Variants in AMN1 observed in about 807,000 individuals in gnomAD.
AMN1 encodes the protein protein AMN1 homolog.
Under a neutral mutation model 33.0 loss-of-function variants are expected in AMN1, and 20 were observed. The observed-to-expected ratio is 0.61, with a 90% CI of 0.43 to 0.88. AMN1 has a LOEUF of 0.88. Ranked by LOEUF, AMN1 falls within the 40% of genes least tolerant of loss-of-function variation. AMN1 has a pLI of 0.00. For synonymous variants in AMN1, 114 were observed against 111.9 expected (o/e 1.02, Z -0.12); for missense variants, 246 against 307.4 (o/e 0.80, Z 1.49).
At chr12:31,721,077 C>T (rs1939862379) in intron 1 of AMN1, among the ~76,000 whole-genome samples, 1 of 152,150 alleles carries the variant, frequency 6.6e-6, no homozygotes, top group Admixed American at 6.5e-5. Context: ...TGAGCAGTCT[C>T]TCAAAACAAA....
intron 1 of AMN1, chr12:31,714,915 T>C (rs1398238753): frequency 4.1e-6 from 4 of 984,506 alleles, no homozygotes; most frequent in African/African-American, 1.7e-5. Context: ...ACCAACAACA[T>C]TGTGCAATTT....
chr12:31,707,155 GA>G (rs1191588882), intron 2 of AMN1, among the ~76,000 whole-genome samples: 1 of 152,068 alleles, frequency 6.6e-6, no homozygotes, highest in African/African-American at 2.4e-5. Context: ...AGCAGACTGT[GA>G]TCAATATTTT....
chr12:31,708,989 G>T, intron 2 of AMN1: 2 of 419,884 alleles, frequency 4.8e-6, no homozygotes, highest in South Asian at 3.5e-5. Context: ...ACCAGCCTGG[G>T]CAACATGGTG....
At chr12:31,691,249 A>G (rs1366968607) in intron 5 of AMN1, among the ~76,000 whole-genome samples, 1 of 152,128 alleles carries the variant, frequency 6.6e-6, no homozygotes, top group African/African-American at 2.4e-5. Context: ...CCAAAATAGT[A>G]TATTATATTC....
At chr12:31,682,963 C>CTTTTT (rs34868408) in intron 6 of AMN1, among the ~76,000 whole-genome samples, 2 of 137,844 alleles carry the variant, frequency 1.5e-5, no homozygotes, top group Admixed American at 7.3e-5. Flanking sequence ...GTATGCTATT[C>CTTTTT]TTTTTTTTTT....
chr12:31,689,990 A>G (rs1475758242), intron 5 of AMN1, among the ~76,000 whole-genome samples: 2 of 152,158 alleles, frequency 1.3e-5, no homozygotes, highest in Non-Finnish European at 2.9e-5. Flanking sequence ...GCTCCTACTT[A>G]TGAGTGAGAA....
chr12:31,722,130 GACACACACACACACACACACACAC>G (rs57266162), intron 1 of AMN1, among the ~76,000 whole-genome samples: 10 of 143,960 alleles, frequency 6.9e-5, no homozygotes, highest in South Asian at 4.6e-4. Context: ...TCAGGCCTTT[GACACACACACACACACACACACAC>G]ACACACACAC....
intron 3 of AMN1, 39 bp from the exon 4 acceptor site, chr12:31,697,996 T>A (rs755722163): frequency 6.4e-7 from 1 of 1,574,194 alleles, no homozygotes; most frequent in Non-Finnish European, 8.7e-7. Context: ...GAGCTATATG[T>A]GTGTATATGT....
chr12:31,681,895 T>C (rs947357589), intron 6 of AMN1, among the ~76,000 whole-genome samples: 1 of 152,052 alleles, frequency 6.6e-6, no homozygotes, highest in Admixed American at 6.6e-5. Flanking sequence ...CAGGCTGGTG[T>C]CAAACTCCTG....
intron 2 of AMN1, 29 bp downstream of exon 2, chr12:31,709,264 G>C (rs781754450): frequency 6.2e-7 from 1 of 1,606,370 alleles, no homozygotes; most frequent in Middle Eastern, 1.7e-4. Context: ...AATATAATAT[G>C]CTTGCTTTAC....
intron 6 of AMN1, among the ~76,000 whole-genome samples, chr12:31,685,166 T>C (rs73303845): frequency 0.014 from 2,073 of 151,954 alleles, 52 homozygotes; most frequent in African/African-American, 0.048. Flanking sequence ...GTAGCTGGGA[T>C]TACAGGCACC....
intron 2 of AMN1, among the ~76,000 whole-genome samples, chr12:31,702,347 C>A (rs1939044149): frequency 6.6e-6 from 1 of 152,142 alleles, no homozygotes; most frequent in Non-Finnish European, 1.5e-5. Flanking sequence ...AGAGACTCTC[C>A]CTATGGGCCT....
intron 2 of AMN1, among the ~76,000 whole-genome samples, chr12:31,708,177 C>A (rs1483364634): frequency 6.6e-6 from 1 of 152,180 alleles, no homozygotes; most frequent in Non-Finnish European, 1.5e-5. Flanking sequence ...TTTCTTCTTG[C>A]AGAGAGCCTA....
At chr12:31,715,939 T>C (rs903870806) in intron 1 of AMN1, among the ~76,000 whole-genome samples, 1 of 152,258 alleles carries the variant, frequency 6.6e-6, no homozygotes, top group African/African-American at 2.4e-5. Context: ...TGACTAAATT[T>C]GACTAAACTA....
At chr12:31,712,590 ATGTAT>A (rs923213447) in intron 1 of AMN1, among the ~76,000 whole-genome samples, 5 of 152,044 alleles carry the variant, frequency 3.3e-5, no homozygotes, top group African/African-American at 1.2e-4. Flanking sequence ...CATCATATAT[ATGTAT>A]TATACCACAT....
chr12:31,700,149 T>C (rs547100363), intron 3 of AMN1, among the ~76,000 whole-genome samples: 67 of 149,576 alleles, frequency 4.5e-4, no homozygotes, highest in African/African-American at 1.4e-3. Context: ...CTCTTTCTTA[T>C]ATTTAAAAAA....
Position 31,723,098 on chromosome 12 carries a change from C to T in AMN1, c.38+5873G>A, listed in dbSNP as rs376156768. ...ACTTGAACCTGGGAGGCAGAGGTTG[C>T]AGTGAGCTGAGATCGGGCCACTGCA... On this transcript the variant is annotated intron_variant, in intron 1 of 6. Transcript: ENST00000281471. Among the ~76,000 whole-genome samples, 188 of 151,794 alleles carry T rather than the reference C, an allele frequency of 1.2e-3. 2 individuals are homozygous for T. The highest frequency in any genetic ancestry group is 4.4e-3 in the African/African-American group (181 of 41,402).
intron 5 of AMN1, among the ~76,000 whole-genome samples, chr12:31,689,492 T>C (rs563699523): frequency 6.2e-4 from 94 of 152,232 alleles, no homozygotes; most frequent in African/African-American, 2.2e-3. Flanking sequence ...AAATCAATGC[T>C]TTATAGAAAA....
chr12:31,691,972 G>A (rs1938518039), intron 5 of AMN1, among the ~76,000 whole-genome samples: 1 of 151,986 alleles, frequency 6.6e-6, no homozygotes, highest in African/African-American at 2.4e-5. Context: ...CTGCCTCCAG[G>A]GCTCAAGTGA....
Sources: allele counts gnomAD v4.1 joint callset (sites outside exome capture counted in the v4.1 genomes callset), GRCh38; gene constraint gnomAD v4.1.1; transcripts MANE v1.5; gene names NCBI Gene and HGNC (gene_info 2026-07-23, HGNC 2026-07-21).